The following GRM8 variants were observed in gnomAD, a reference collection of about 807,000 sequenced individuals.
GRM8 encodes glutamate metabotropic receptor 8, also known as metabotropic glutamate receptor 8.
A neutral mutation model predicts 87.2 loss-of-function variants in GRM8; 47 were observed. The ratio of observed to expected loss-of-function variants is 0.54; its 90% confidence interval spans 0.43 to 0.69. The LOEUF (loss-of-function observed/expected upper bound fraction) is 0.69. GRM8 is among the 30% of genes least tolerant of loss of function. The pLI, the probability that GRM8 is intolerant of heterozygous loss-of-function variation, is 0.00. For missense variants in GRM8, 1,019 were observed against 1,139.2 expected, an observed-to-expected ratio of 0.89 and a Z score of 1.52; for synonymous variants, 396 against 404.5, an observed-to-expected ratio of 0.98 and a Z score of 0.25.
intron 10 of GRM8, among the ~76,000 whole-genome samples, chr7:126,440,112 G>A (rs1801285538): frequency 6.6e-6 from 1 of 151,754 alleles, no homozygotes; most frequent in African/African-American, 2.4e-5. Flanking sequence ...TAAGTGTAGA[G>A]TTTTTATAAT....
chr7:126,722,222 C>G (rs1336073125), intron 7 of GRM8, among the ~76,000 whole-genome samples: 2 of 152,156 alleles, frequency 1.3e-5, no homozygotes, highest in Admixed American at 6.6e-5. Context: ...AGTGTATTTT[C>G]TCTCTACAGA....
chr7:127,242,021 G>A (rs570599311), intron 2 of GRM8, among the ~76,000 whole-genome samples: 31 of 152,142 alleles, frequency 2.0e-4, no homozygotes, highest in Non-Finnish European at 4.0e-4. Context: ...CAACATATGG[G>A]TAATAGATCA....
intron 9 of GRM8, among the ~76,000 whole-genome samples, chr7:126,453,770 TA>T (rs558847308): frequency 5.4e-4 from 82 of 151,910 alleles, no homozygotes; most frequent in African/African-American, 1.8e-3. Flanking sequence ...CATTATTAAA[TA>T]AAATGTGGTC....
At chr7:126,606,698 A>T (rs1029960424) in intron 8 of GRM8, among the ~76,000 whole-genome samples, 3 of 152,228 alleles carry the variant, frequency 2.0e-5, no homozygotes, top group Non-Finnish European at 4.4e-5. Flanking sequence ...CCATTTCGGT[A>T]AAACCCGCAA....
At chr7:127,157,516 T>G (rs1792811918) in intron 2 of GRM8, among the ~76,000 whole-genome samples, 1 of 152,158 alleles carries the variant, frequency 6.6e-6, no homozygotes, top group Non-Finnish European at 1.5e-5. Context: ...ACCAAAATAT[T>G]TTTTAAAAAA....
chr7:126,828,874 T>G lies in GRM8; in HGVS notation c.1157-58809A>C, dbSNP rs189629332. Among the ~76,000 whole-genome samples the G allele has an allele frequency of 5.8e-3, 880 of 152,306 alleles. 28 individuals carry two copies. Among genetic ancestry groups the G allele is most frequent in the Non-Finnish European group, 2.4e-3 (162 of 68,030 alleles). On this transcript the variant is annotated intron_variant, in intron 6 of 10. Coordinates refer to ENST00000339582, the MANE Select transcript of GRM8 (RefSeq NM_000845.3). ...ATTTCCCTCTACACACTGCTGTGAATGTGTCCCAGAGATTCTGGTATGTTG... is the reference window on the plus strand; with the variant it reads ...ATTTCCCTCTACACACTGCTGTGAAGGTGTCCCAGAGATTCTGGTATGTTG...
At chr7:127,148,987 GAGA>G (rs1267088056) in intron 2 of GRM8, among the ~76,000 whole-genome samples, 2 of 151,952 alleles carry the variant, frequency 1.3e-5, no homozygotes, top group Non-Finnish European at 2.9e-5. Flanking sequence ...ACTTCTAGAA[GAGA>G]AGGAGCAACA....
At chr7:126,620,403 AATATTT>A (rs1800001993) in intron 7 of GRM8, among the ~76,000 whole-genome samples, 1 of 152,196 alleles carries the variant, frequency 6.6e-6, no homozygotes, top group Admixed American at 6.5e-5. Flanking sequence ...CATCTCCTTG[AATATTT>A]TCTGTTCAAT....
chr7:126,803,402 G>A (rs1269684862), intron 6 of GRM8, among the ~76,000 whole-genome samples: 1 of 152,162 alleles, frequency 6.6e-6, no homozygotes, highest in Non-Finnish European at 1.5e-5. Flanking sequence ...GCACTTAGTT[G>A]AGAGGAGGGA....
chr7:127,211,773 A>G (rs1299110508), intron 2 of GRM8, among the ~76,000 whole-genome samples: 1 of 152,192 alleles, frequency 6.6e-6, no homozygotes, highest in Non-Finnish European at 1.5e-5. Flanking sequence ...AGTCTTTACC[A>G]CACACCAAAT....
intron 8 of GRM8, among the ~76,000 whole-genome samples, chr7:126,546,336 C>CCCTGTCTCTCCTCA (rs1429483745): frequency 1.3e-5 from 2 of 152,162 alleles, no homozygotes. Context: ...TACTGAATCA[C>CCCTGTCTCTCCTCA]ATTTTACTGT....
At chr7:126,990,434 G>A (rs116815950) in intron 3 of GRM8, among the ~76,000 whole-genome samples, 2,056 of 152,056 alleles carry the variant, frequency 0.014, 43 homozygotes, top group African/African-American at 0.047. Flanking sequence ...TTTTGCAACC[G>A]TGAAATAAAA....
At chr7:126,909,096 G>T (rs1283308346) in intron 3 of GRM8, among the ~76,000 whole-genome samples, 1 of 152,132 alleles carries the variant, frequency 6.6e-6, no homozygotes, top group Non-Finnish European at 1.5e-5. Context: ...CAGCAGTTAT[G>T]ATATAATTGA....
intron 7 of GRM8, among the ~76,000 whole-genome samples, chr7:126,667,073 A>G (rs960081748): frequency 2.6e-5 from 4 of 152,210 alleles, no homozygotes; most frequent in African/African-American, 9.6e-5. Flanking sequence ...TGATAATAAT[A>G]ACAGATAACA....
At position 126,934,546 on chromosome 7, in the gene GRM8, G is replaced by A. The variant is rs190456861; in HGVS notation, c.728-29863C>T. On this transcript the variant is annotated intron_variant, in intron 3 of 10. Transcript: ENST00000339582. The stretch of plus-strand genomic sequence containing the variant: ...AGTATGAGATTACACTTAAGGGTCA[G>A]AGACAGAAATCTCAGATTCTTTGTA... Among the ~76,000 whole-genome samples, 200 of 152,296 alleles carry A rather than the reference G, an allele frequency of 1.3e-3. 1 individual carries two copies. Among genetic ancestry groups the A allele is most frequent in the African/African-American group, 4.7e-3 (197 of 41,556 alleles).
chr7:126,751,377 A>T (rs1816397554), intron 7 of GRM8, among the ~76,000 whole-genome samples: 1 of 152,114 alleles, frequency 6.6e-6, no homozygotes, highest in African/African-American at 2.4e-5. Flanking sequence ...TATTTCTCAG[A>T]AGGATATTTC....
intron 3 of GRM8, among the ~76,000 whole-genome samples, chr7:126,979,993 A>G (rs1163958130): frequency 1.3e-5 from 2 of 152,344 alleles, no homozygotes; most frequent in East Asian, 1.9e-4. Flanking sequence ...CCTCAGATGT[A>G]CAAGCCACAT....
chr7:127,107,175 C>G (rs1167223102), intron 2 of GRM8, among the ~76,000 whole-genome samples: 2 of 152,108 alleles, frequency 1.3e-5, no homozygotes, highest in East Asian at 3.9e-4. Context: ...TTTTTTTATA[C>G]TTGATACCAT....
chr7:127,050,639 A>G (rs1438717712), intron 3 of GRM8, among the ~76,000 whole-genome samples: 4 of 152,220 alleles, frequency 2.6e-5, no homozygotes, highest in Non-Finnish European at 4.4e-5. Flanking sequence ...TGGGAGGCAC[A>G]GGAGTGAGAG....
Sources: gnomAD v4.1 joint callset for allele counts (sites outside exome capture counted in the v4.1 genomes callset) on GRCh38, gnomAD v4.1.1 for gene constraint, MANE v1.5 for transcripts, NCBI Gene and HGNC (gene_info 2026-07-23, HGNC 2026-07-21) for gene names.